PLPP7: variants seen among roughly 807,000 people sequenced by gnomAD.
PLPP7 encodes phospholipid phosphatase 7 (inactive), also known as inactive phospholipid phosphatase 7.
PLPP7 carries 11 observed loss-of-function variants against 16.9 expected under a neutral mutation model. The observed-to-expected ratio is 0.65, with a 90% CI of 0.41 to 1.08. The LOEUF is 1.08. Among genes scored for constraint, PLPP7 ranks in the 50% least tolerant of loss-of-function variants. PLPP7 has a pLI of 0.00. For synonymous variants in PLPP7, 174 were observed against 175.1 expected (o/e 0.99, Z 0.05); for missense variants, 358 against 397.1 (o/e 0.90, Z 0.84).
intron 1 of PLPP7, among the ~76,000 whole-genome samples, chr9:131,302,738 C>G (rs568547786): frequency 6.6e-6 from 1 of 152,338 alleles, no homozygotes; most frequent in East Asian, 1.9e-4. Context: ...GCAAGGCTCT[C>G]AGCCAGCCCT....
At chr9:131,299,798 C>T (rs973007611) in intron 1 of PLPP7, among the ~76,000 whole-genome samples, 16 of 152,176 alleles carry the variant, frequency 1.1e-4, no homozygotes, top group African/African-American at 3.6e-4. Flanking sequence ...GCCTGACACA[C>T]GCCTGAAATA....
chr9:131,293,457 G>T (rs1004347260), intron 1 of PLPP7, among the ~76,000 whole-genome samples: 6 of 152,194 alleles, frequency 3.9e-5, no homozygotes, highest in Non-Finnish European at 8.8e-5. Context: ...CCCAGACCTC[G>T]GCTTGGTGGG....
Position 131,295,020 on chromosome 9 carries a change from T to C in PLPP7, c.451+4572T>C, listed in dbSNP as rs546798675. ...AGGCTGGAGTGCAGTGGTGTGATCT[T>C]GGCTCACTGGCATGAACCCGGGAGG... On this transcript the variant is annotated intron_variant, in intron 1 of 1. Coordinates refer to ENST00000372264, the MANE Select transcript of PLPP7 (RefSeq NM_032728.4). This position sits in a 1 kb window ranked among gnomAD's most constrained non-coding sequence, Gnocchi z 4.0. 1.3e-5 allele frequency among the ~76,000 whole-genome samples: 2 copies of C among 149,354 alleles called. No individual in the cohort carries two copies. The highest frequency in any genetic ancestry group is 6.6e-5 in the Admixed American group (1 of 15,052).
At chr9:131,303,989 C>T (rs1208937583) in intron 1 of PLPP7, among the ~76,000 whole-genome samples, 1 of 152,110 alleles carries the variant, frequency 6.6e-6, no homozygotes, top group Admixed American at 6.5e-5. Context: ...GGAGCTGTGA[C>T]CTCACTGGGG....
Position 131,308,143 on chromosome 9 carries a change from C to T in PLPP7, c.672C>T (p.Cys224=), listed in dbSNP as rs373301933. 2.5e-6 allele frequency: 4 copies of T among 1,600,830 alleles called. No homozygotes were observed. Among genetic ancestry groups the T allele is most frequent in the Admixed American group, 3.3e-5 (2 of 60,006 alleles). The change falls in exon 2 of 2, where the codon TGC becomes TGT. Residue 224 remains cysteine (C), a synonymous_variant. Coordinates refer to ENST00000372264, the MANE Select transcript of PLPP7 (RefSeq NM_032728.4). ...LRVLLVLWAL[C]VGLSRVMIGR... ...TGCTGCTGGTGCTCTGGGCCCTCTG[C>T]GTGGGCCTGTCCCGCGTGATGATCG...
chr9:131,290,029 G>A lies in PLPP7; in HGVS notation c.32G>A (p.Arg11Gln), dbSNP rs577945128. 142 of 1,437,080 alleles carry A rather than the reference G, an allele frequency of 9.9e-5. No homozygotes were observed. Among genetic ancestry groups the A allele is most frequent in the Admixed American group, 1.3e-4 (5 of 37,200 alleles). 89.0% of individuals were successfully genotyped at this position (1,437,080 alleles called of 1,614,324 possible). MPASQSRARARDRNNVLNRAE... is the reference protein window; with the variant it reads MPASQSRARAQDRNNVLNRAE... ...GCTTCCCAGAGCCGGGCCCGTGCCC[G>A]GGACCGCAACAACGTCCTCAACCGG... The change falls in exon 1 of 2, where the codon CGG becomes CAG. Residue 11 changes from arginine (R) to glutamine (Q), a missense_variant. Transcript: ENST00000372264. This position sits in a 1 kb window ranked among gnomAD's most constrained non-coding sequence, Gnocchi z 4.2.
chr9:131,307,891 A>C lies in PLPP7; in HGVS notation c.452-32A>C. 3 of 1,530,292 alleles carry C rather than the reference A, an allele frequency of 2.0e-6. No individual in the cohort carries two copies. In the South Asian group the frequency reaches 3.7e-5, roughly 19 times the overall value. 94.8% of individuals were successfully genotyped at this position (1,530,292 alleles called of 1,614,324 possible). A position where few individuals can be genotyped will look rare whatever the true frequency, so the allele number is the denominator to read the frequency against. On this transcript the variant is annotated intron_variant, in intron 1 of 1. Coordinates refer to ENST00000372264, the MANE Select transcript of PLPP7 (RefSeq NM_032728.4). Reference sequence around the variant, plus strand: ...GGCCTGGGCCTGGCTGGTGGCCCTGATGGCCCAGGGGCCTCTGTCTCCCCC... The same window carrying C: ...GGCCTGGGCCTGGCTGGTGGCCCTGCTGGCCCAGGGGCCTCTGTCTCCCCC...
At chr9:131,300,405 C>T (rs749472107) in intron 1 of PLPP7, among the ~76,000 whole-genome samples, 21 of 152,070 alleles carry the variant, frequency 1.4e-4, no homozygotes, top group Admixed American at 2.0e-4. Context: ...TTGAAAGGAG[C>T]CAGGCACAGC....
In PLPP7 at chr9:131,295,032, A is replaced by C. The variant is rs1835720264; in HGVS notation, c.451+4584A>C. ...AGTGGTGTGATCTTGGCTCACTGGCATGAACCCGGGAGGCGGAGCTTGCAG... is the reference window on the plus strand; with the variant it reads ...AGTGGTGTGATCTTGGCTCACTGGCCTGAACCCGGGAGGCGGAGCTTGCAG... On this transcript the variant is annotated intron_variant, in intron 1 of 1. Transcript: ENST00000372264. This position sits in a 1 kb window ranked among gnomAD's most constrained non-coding sequence, Gnocchi z 4.0. Among the ~76,000 whole-genome samples, 1 of 149,288 alleles carries C rather than the reference A, an allele frequency of 6.7e-6. No homozygotes were observed. The highest frequency in any genetic ancestry group is 1.5e-5 in the Non-Finnish European group (1 of 67,294).
In PLPP7 at chr9:131,290,754, C is replaced by A. The variant is rs1451846771; in HGVS notation, c.451+306C>A. 2.6e-5 allele frequency among the ~76,000 whole-genome samples: 4 copies of A among 152,172 alleles called. No individual in the cohort carries two copies. The highest frequency in any genetic ancestry group is 5.9e-5 in the Non-Finnish European group (4 of 68,014). ...AGAGGCAGCTTGAAGGGAGGCTGGG[C>A]CAGAGGCGGTGGCCTCAAGGGAGAC... On this transcript the variant is annotated intron_variant, in intron 1 of 1. Coordinates refer to ENST00000372264, the MANE Select transcript of PLPP7 (RefSeq NM_032728.4). The surrounding 1 kb of genome is among the most constrained non-coding windows in gnomAD (Gnocchi z 4.2).
chr9:131,306,524 G>T (rs993267138), intron 1 of PLPP7, among the ~76,000 whole-genome samples: 1 of 151,330 alleles, frequency 6.6e-6, no homozygotes, highest in Non-Finnish European at 1.5e-5. Context: ...GCAACAGAAC[G>T]AGACTCCATC....
intron 1 of PLPP7, among the ~76,000 whole-genome samples, chr9:131,296,267 AGTTTGTTT>A (rs534841515): frequency 6.6e-6 from 1 of 151,716 alleles, no homozygotes; most frequent in East Asian, 1.9e-4. Flanking sequence ...TGGGGGTTTT[AGTTTGTTT>A]GTTTTCTGAG....
chr9:131,299,293 C>T (rs1169910995), intron 1 of PLPP7, among the ~76,000 whole-genome samples: 4 of 152,156 alleles, frequency 2.6e-5, no homozygotes, highest in Admixed American at 1.3e-4. Flanking sequence ...ACCAGCTCCC[C>T]GGCTCTTGCC....
chr9:131,306,269 C>T (rs966187330), intron 1 of PLPP7, among the ~76,000 whole-genome samples: 2 of 151,674 alleles, frequency 1.3e-5, no homozygotes, highest in African/African-American at 2.4e-5. Context: ...AGGCCGGGCG[C>T]GGTGGCTCAT....
chr9:131,301,647 C>T (rs1835799148), intron 1 of PLPP7, among the ~76,000 whole-genome samples: 1 of 152,182 alleles, frequency 6.6e-6, no homozygotes, highest in Non-Finnish European at 1.5e-5. Flanking sequence ...ACCAGAGCCT[C>T]CCACAGCTTC....
intron 1 of PLPP7, among the ~76,000 whole-genome samples, chr9:131,299,548 G>A (rs1021439599): frequency 5.9e-5 from 9 of 152,314 alleles, no homozygotes; most frequent in Admixed American, 5.2e-4. Flanking sequence ...GAGTGGGGTG[G>A]GAGGCCCAGG....
chr9:131,291,359 C>T (rs1835675943), intron 1 of PLPP7: 2 of 1,182,734 alleles, frequency 1.7e-6, no homozygotes, highest in Admixed American at 3.5e-5. Context: ...AACAAGGGGT[C>T]TCAGTTCCAA....
At chr9:131,293,936 G>A (rs778407457) in intron 1 of PLPP7, among the ~76,000 whole-genome samples, 26 of 152,208 alleles carry the variant, frequency 1.7e-4, no homozygotes, top group Non-Finnish European at 3.4e-4. Flanking sequence ...TGGGCTGGGA[G>A]CAAGACCTCC....
At chr9:131,292,272 CAT>C (rs1488486316) in intron 1 of PLPP7, among the ~76,000 whole-genome samples, 9 of 152,318 alleles carry the variant, frequency 5.9e-5, no homozygotes, top group Non-Finnish European at 8.8e-5. Context: ...GGTGGGAAGG[CAT>C]ACACTCCAGT....
Sources: gnomAD v4.1 joint callset for allele counts (sites outside exome capture counted in the v4.1 genomes callset) on GRCh38, gnomAD v4.1.1 for gene constraint, Gnocchi (gnomAD v3.1) non-coding constraint, MANE v1.5 for transcripts, NCBI Gene and HGNC (gene_info 2026-07-23, HGNC 2026-07-21) for gene names.